Variants in MAPK13 observed in about 807,000 individuals in gnomAD.
The protein encoded by MAPK13 is mitogen-activated protein kinase 13.
MAPK13 carries 39 observed loss-of-function variants against 53.5 expected under a neutral mutation model. That is an observed-to-expected ratio of 0.73 (90% CI 0.56 to 0.95). MAPK13 has a LOEUF of 0.95. MAPK13 is among the 40% of genes least tolerant of loss of function. The pLI is 0.00. For missense variants in MAPK13, 460 were observed against 471.8 expected, an observed-to-expected ratio of 0.98 and a Z score of 0.23; for synonymous variants, 179 against 190.9, an observed-to-expected ratio of 0.94 and a Z score of 0.51.
rs762108258 is a variant in MAPK13, at chr6:36,138,377, T to C, written c.695T>C (p.Leu232Pro). 6.2e-7 allele frequency: 1 copy of C among 1,613,946 alleles called. No homozygotes were observed. The highest frequency in any genetic ancestry group is 8.5e-7 in the Non-Finnish European group (1 of 1,179,902). Reference sequence around the variant, plus strand: ...ACCTGCCACCAAGACCTGGACCAGCTGACCCAGATCCTGAAAGTGACCGGG... The same window carrying C: ...ACCTGCCACCAAGACCTGGACCAGCCGACCCAGATCCTGAAAGTGACCGGG... ...LFKGKDYLDQ[L>P]TQILKVTGVP... The change falls in exon 9 of 12, where the codon CTG becomes CCG. Residue 232 changes from leucine (L) to proline (P), a missense_variant. Transcript: ENST00000211287.
Position 36,143,852 on chromosome 6 carries a change from TCTCCTGCTCTGGTTC to T in MAPK13, c.*4487_*4501del, listed in dbSNP as rs1766581722. 6.6e-6 allele frequency: 1 copy of T among 152,258 alleles called. No individual in the cohort carries two copies. The highest frequency in any genetic ancestry group is 6.5e-5 in the Admixed American group (1 of 15,296). 9.4% of individuals were successfully genotyped at this position (152,258 alleles called of 1,614,324 possible). On this transcript the variant is annotated 3_prime_UTR_variant, in exon 12 of 12. Coordinates refer to ENST00000211287, the MANE Select transcript of MAPK13 (RefSeq NM_002754.5). The stretch of plus-strand genomic sequence containing the variant: ...CTGGAGCAAGGGTGGTGCCAGGGAT[TCTCCTGCTCTGGTTC>T]CTCCTGCGGGGTCCCTGCTCAGCTG...
intron 3 of MAPK13, 140 bp downstream of exon 3, chr6:36,132,819 G>A: frequency 1.1e-6 from 1 of 890,644 alleles, no homozygotes; most frequent in Non-Finnish European, 1.8e-6. Context: ...GCCTTTGCCT[G>A]TCAAGTGTGA....
chr6:36,135,658 A>G (rs1766401893), intron 3 of MAPK13, 95 bp from the exon 4 acceptor site: 17 of 803,276 alleles, frequency 2.1e-5, no homozygotes, highest in Non-Finnish European at 3.1e-5. Flanking sequence ...GGGTGTCTCT[A>G]TGACCCCTGT....
rs1381132812 is a variant in MAPK13 at position 36,139,981 on chromosome 6, GATCTT to G, written c.*614_*618del. On this transcript the variant is annotated 3_prime_UTR_variant, in exon 12 of 12. Coordinates refer to ENST00000211287, the MANE Select transcript of MAPK13 (RefSeq NM_002754.5). ...TTTAGGGCCCACCCTAATCCTGTGTGATCTTATCTTGATCCTTATTAATTAAACCT... is the reference window on the plus strand; with the variant it reads ...TTTAGGGCCCACCCTAATCCTGTGTGATCTTGATCCTTATTAATTAAACCT... 1 of 152,412 alleles carries G rather than the reference GATCTT, an allele frequency of 6.6e-6. No homozygotes were observed. The highest frequency in any genetic ancestry group is 2.4e-5 in the African/African-American group (1 of 41,446). The allele number at this position is 152,412 out of a possible 1,614,324, so 9.4% of individuals were successfully genotyped here.
chr6:36,134,075 GT>G (rs765486354), intron 3 of MAPK13, among the ~76,000 whole-genome samples: 1 of 152,214 alleles, frequency 6.6e-6, no homozygotes, highest in Non-Finnish European at 1.5e-5. Context: ...CTTTCTAGAA[GT>G]TTGGTGGTGA....
rs1295940348 is a variant in MAPK13 at position 36,143,719 on chromosome 6, A to G, written c.*4346A>G. ...CTAAATCCTCCTGAGCTTTTAGGTAAGAGGCCGATGATTTCACAATCGGCA... is the reference window on the plus strand; with the variant it reads ...CTAAATCCTCCTGAGCTTTTAGGTAGGAGGCCGATGATTTCACAATCGGCA... On this transcript the variant is annotated 3_prime_UTR_variant, in exon 12 of 12. Coordinates refer to ENST00000211287, the MANE Select transcript of MAPK13 (RefSeq NM_002754.5). The G allele has an allele frequency of 1.3e-5, 2 of 152,162 alleles. No individual in the cohort carries two copies. The highest frequency in any genetic ancestry group is 2.9e-5 in the Non-Finnish European group (2 of 68,034). 9.4% of individuals were successfully genotyped at this position (152,162 alleles called of 1,614,324 possible). A position where few individuals can be genotyped will look rare whatever the true frequency, so the allele number is the denominator to read the frequency against.
intron 11 of MAPK13, 82 bp from the exon 12 acceptor site, chr6:36,139,212 T>C (rs1241328008): frequency 3.9e-5 from 57 of 1,466,894 alleles, no homozygotes; most frequent in Non-Finnish European, 5.1e-5. Flanking sequence ...CTGACTTCGC[T>C]CTCCATGCTG....
At chr6:36,136,290 T>C (rs1766415508) in intron 5 of MAPK13, among the ~76,000 whole-genome samples, 194 bp from the exon 6 acceptor site, 1 of 152,136 alleles carries the variant, frequency 6.6e-6, no homozygotes, top group African/African-American at 2.4e-5. Context: ...GTTTCAGGCT[T>C]CAAGAATCAG....
Position 36,138,334 on chromosome 6 carries a change from G to A in MAPK13, c.683-31G>A, listed in dbSNP as rs771608646. ...AAGGGCAGTCTCAGACCCACCAGGA[G>A]AGCAAGGCTAAGCCTTAACCTGCCA... is the stretch of plus-strand genomic sequence containing the variant. On this transcript the variant is annotated intron_variant, in intron 8 of 11. Coordinates refer to ENST00000211287, the MANE Select transcript of MAPK13 (RefSeq NM_002754.5). 6 of 1,591,038 alleles carry A rather than the reference G, an allele frequency of 3.8e-6. No homozygotes were observed. In the Admixed American group the frequency reaches 6.7e-5, roughly 18 times the overall value.
At position 36,138,419 on chromosome 6, in the gene MAPK13, T is replaced by C. The variant is rs777329553; in HGVS notation, c.737T>C (p.Phe246Ser). ...LKVTGVPGTEFVQKLNDKAAK... is the reference protein window; with the variant it reads ...LKVTGVPGTESVQKLNDKAAK... ...GTGACCGGGGTGCCTGGCACGGAGT[T>C]TGTGCAGAAGCTGAACGACAAAGCG... The change falls in exon 9 of 12, where the codon TTT (phenylalanine) becomes TCT (serine). Residue 246 changes from phenylalanine (F) to serine (S), a missense_variant. Phe to Ser is a radical substitution (Grantham distance 155, BLOSUM62 -2). Coordinates refer to ENST00000211287, the MANE Select transcript of MAPK13 (RefSeq NM_002754.5). 1 of 1,613,870 alleles carries C rather than the reference T, an allele frequency of 6.2e-7. No homozygotes were observed. The highest frequency in any genetic ancestry group is 1.1e-5 in the South Asian group (1 of 91,056).
At chr6:36,131,464 G>A in intron 2 of MAPK13, 64 bp downstream of exon 2, 1 of 1,521,654 alleles carries the variant, frequency 6.6e-7, no homozygotes, top group Non-Finnish European at 8.9e-7. Context: ...GCAGGCGCAG[G>A]CGGGGCCTCC....
At position 36,141,996 on chromosome 6, in the gene MAPK13, C is replaced by T. The variant is rs1766541249; in HGVS notation, c.*2623C>T. On this transcript the variant is annotated 3_prime_UTR_variant, in exon 12 of 12. Transcript: ENST00000211287. The stretch of plus-strand genomic sequence containing the variant: ...CCAGGTTCCCTGAGTCTACATCCCT[C>T]TAAGCCTCCTGAGAATTCTCACTGC... The T allele has an allele frequency of 6.6e-6, 1 of 152,428 alleles. No homozygotes were observed. Among genetic ancestry groups the T allele is most frequent in the Admixed American group, 6.5e-5 (1 of 15,282 alleles). 9.4% of individuals were successfully genotyped at this position (152,428 alleles called of 1,614,324 possible).
chr6:36,134,755 T>C (rs1368225125), intron 3 of MAPK13, among the ~76,000 whole-genome samples: 1 of 152,054 alleles, frequency 6.6e-6, no homozygotes, highest in Non-Finnish European at 1.5e-5. Flanking sequence ...GGCTCACGCC[T>C]GTAATCCCAG....
intron 2 of MAPK13, among the ~76,000 whole-genome samples, 197 bp downstream of exon 2, chr6:36,131,597 T>A (rs1331969571): frequency 6.6e-6 from 1 of 152,194 alleles, no homozygotes; most frequent in Non-Finnish European, 1.5e-5. Context: ...TCAAAGGGTA[T>A]TTTTGGCAGA....
In MAPK13 at chr6:36,138,796, C is replaced by G. The variant is rs376816852; in HGVS notation, c.841+16C>G. The G allele has an allele frequency of 1.2e-6, 2 of 1,613,952 alleles. No individual in the cohort carries two copies. Among genetic ancestry groups the G allele is most frequent in the South Asian group, 2.2e-5 (2 of 91,086 alleles). Reference sequence around the variant, plus strand: ...AGCCCCCAGGGTGAGTCTCAGAGCCCGCTCCCCAGGGGCCTCTCAGCGTAT... The same window carrying G: ...AGCCCCCAGGGTGAGTCTCAGAGCCGGCTCCCCAGGGGCCTCTCAGCGTAT... On this transcript the variant is annotated intron_variant, in intron 10 of 11. Coordinates refer to ENST00000211287, the MANE Select transcript of MAPK13 (RefSeq NM_002754.5).
intron 9 of MAPK13, 102 bp from the exon 10 acceptor site, chr6:36,138,600 C>A (rs1766466701): frequency 3.8e-6 from 5 of 1,324,678 alleles, no homozygotes; most frequent in Non-Finnish European, 5.4e-6. Flanking sequence ...CACCGTGGAC[C>A]CTGACCTGAA....
At chr6:36,133,722 A>C (rs1443065341) in intron 3 of MAPK13, among the ~76,000 whole-genome samples, 1 of 152,236 alleles carries the variant, frequency 6.6e-6, no homozygotes, top group Non-Finnish European at 1.5e-5. Context: ...TTGTGCTGGA[A>C]TAATCACCGA....
Position 36,130,514 on chromosome 6 carries a change from G to A in MAPK13, c.-69G>A, listed in dbSNP as rs1356672042. The A allele has an allele frequency of 7.1e-6, 5 of 699,336 alleles. No individual in the cohort carries two copies. Among genetic ancestry groups the A allele is most frequent in the Non-Finnish European group, 1.1e-5 (5 of 447,524 alleles). 43.3% of individuals were successfully genotyped at this position (699,336 alleles called of 1,614,324 possible). ...CGCGGGGCGGGCGCAGCGGGGGTCGGGGCGCTGGGAGCCCGTTGGGCCGCG... is the reference window on the plus strand; with the variant it reads ...CGCGGGGCGGGCGCAGCGGGGGTCGAGGCGCTGGGAGCCCGTTGGGCCGCG... On this transcript the variant is annotated 5_prime_UTR_variant, in exon 1 of 12. Transcript: ENST00000211287. This position sits in a 1 kb window ranked among gnomAD's most constrained non-coding sequence, Gnocchi z 4.5.
chr6:36,138,883 G>GGACCTGCTGGAGAAGATGCTGGA lies in MAPK13; in HGVS notation c.848_870dup (p.Leu291ThrfsTer9). 6.2e-7 allele frequency: 1 copy of GGACCTGCTGGAGAAGATGCTGGA among 1,610,372 alleles called. No homozygotes were observed. The highest frequency in any genetic ancestry group is 8.5e-7 in the Non-Finnish European group (1 of 1,178,208). On this transcript the variant is annotated frameshift_variant, in exon 11 of 12. Coordinates refer to ENST00000211287, the MANE Select transcript of MAPK13 (RefSeq NM_002754.5). LOFTEE classifies it high-confidence loss of function. ...CTCTTGGCTCTGCCCCTGCAGCTGC[G>GGACCTGCTGGAGAAGATGCTGGA]GACCTGCTGGAGAAGATGCTGGAGC...
Sources: allele counts gnomAD v4.1 joint callset (sites outside exome capture counted in the v4.1 genomes callset), GRCh38; gene constraint gnomAD v4.1.1; non-coding constraint Gnocchi (gnomAD v3.1); transcripts MANE v1.5; gene names NCBI Gene and HGNC (gene_info 2026-07-23, HGNC 2026-07-21).